Variants in TDRD3 observed in about 807,000 individuals in gnomAD.
TDRD3 encodes tudor domain-containing protein 3.
A neutral mutation model predicts 86.7 loss-of-function variants in TDRD3; 45 were observed. That is an observed-to-expected ratio of 0.52 (90% CI 0.41 to 0.67). The LOEUF is 0.67. TDRD3 is among the 30% of genes least tolerant of loss of function. The pLI is 0.00. For missense variants in TDRD3, 814 were observed against 889.0 expected (o/e 0.92, Z 1.07); for synonymous variants, 298 against 301.7 (o/e 0.99, Z 0.13).
intron 10 of TDRD3, among the ~76,000 whole-genome samples, chr13:60,519,048 T>C (rs924817959): frequency 6.6e-6 from 1 of 152,176 alleles, no homozygotes; most frequent in East Asian, 1.9e-4. Context: ...ACTTAATTTC[T>C]TTGCATATGA....
In TDRD3 at chr13:60,509,582, A is replaced by G. The variant is rs549751156; in HGVS notation, c.859-181A>G. ...CAGAGAATACTCAAGGCACAACCCC[A>G]CATATCATACAGATTCTTCCTTGCC... On this transcript the variant is annotated intron_variant, in intron 8 of 13. Transcript: ENST00000377881. 2.3e-4 allele frequency: 166 copies of G among 715,952 alleles called. 1 individual carries two copies. In the South Asian group the frequency reaches 2.9e-3, roughly 12 times the overall value. The allele number at this position is 715,952 out of a possible 1,614,324, so 44.3% of individuals were successfully genotyped here. A position where few individuals can be genotyped will look rare whatever the true frequency, so the allele number is the denominator to read the frequency against.
chr13:60,427,107 ATC>A (rs1352659830), intron 1 of TDRD3, among the ~76,000 whole-genome samples: 1 of 152,224 alleles, frequency 6.6e-6, no homozygotes, highest in Admixed American at 6.5e-5. Context: ...TCATATATGT[ATC>A]TGTCATTGAC....
chr13:60,428,610 G>A (rs1420355630), intron 1 of TDRD3, among the ~76,000 whole-genome samples: 1 of 151,562 alleles, frequency 6.6e-6, no homozygotes, highest in Non-Finnish European at 1.5e-5. Flanking sequence ...AGAGGAAAGG[G>A]AGATGTGGAT....
In TDRD3 at chr13:60,417,683, C is replaced by T. The variant is rs75605933; in HGVS notation, c.41+20278C>T. Among the ~76,000 whole-genome samples, 1,129 of 152,232 alleles carry T rather than the reference C, an allele frequency of 7.4e-3. 17 individuals carry two copies. Among genetic ancestry groups the T allele is most frequent in the African/African-American group, 0.026 (1,068 of 41,542 alleles). The stretch of plus-strand genomic sequence containing the variant: ...ATATACTGATGATTCCTAAATCTTT[C>T]TGGGCCTGAACTTCAAAATACAGCC... On this transcript the variant is annotated intron_variant, in intron 1 of 13. Coordinates refer to ENST00000377881, the MANE Select transcript of TDRD3 (RefSeq NM_001146070.2).
intron 12 of TDRD3, among the ~76,000 whole-genome samples, chr13:60,567,262 TA>T (rs1268347623): frequency 3.3e-5 from 5 of 152,240 alleles, no homozygotes; most frequent in African/African-American, 1.2e-4. Flanking sequence ...TTTTCTAGAA[TA>T]AAATTCAATT....
chr13:60,411,592 T>G (rs1324226038), intron 1 of TDRD3, among the ~76,000 whole-genome samples: 1 of 152,202 alleles, frequency 6.6e-6, no homozygotes, highest in Non-Finnish European at 1.5e-5. Flanking sequence ...CATAGGTTTT[T>G]TTTGGTTTTT....
chr13:60,503,376 C>T (rs1956874334), intron 8 of TDRD3, among the ~76,000 whole-genome samples: 1 of 152,196 alleles, frequency 6.6e-6, no homozygotes, highest in Non-Finnish European at 1.5e-5. Flanking sequence ...CAGTTAAAAA[C>T]ATGACTGATA....
intron 2 of TDRD3, among the ~76,000 whole-genome samples, chr13:60,441,381 G>A (rs747615550): frequency 6.6e-5 from 10 of 151,930 alleles, no homozygotes; most frequent in African/African-American, 2.4e-4. Flanking sequence ...TGCTGTGTTC[G>A]TAAGAGGTGC....
At chr13:60,561,946 T>C (rs570625528) in intron 12 of TDRD3, among the ~76,000 whole-genome samples, 22 of 152,144 alleles carry the variant, frequency 1.4e-4, no homozygotes, top group African/African-American at 5.3e-4. Context: ...CAAGGATAAT[T>C]GGTAAAGTTC....
At chr13:60,428,415 A>T (rs895414109) in intron 1 of TDRD3, among the ~76,000 whole-genome samples, 1 of 152,024 alleles carries the variant, frequency 6.6e-6, no homozygotes, top group African/African-American at 2.4e-5. Context: ...CTAAGTTAAT[A>T]TAGGGGCCAA....
intron 1 of TDRD3, among the ~76,000 whole-genome samples, chr13:60,430,337 A>C (rs1450432430): frequency 6.6e-6 from 1 of 152,160 alleles, no homozygotes; most frequent in Non-Finnish European, 1.5e-5. Flanking sequence ...CAATGCTATG[A>C]GTGCAGTAGT....
At chr13:60,395,855 T>C (rs1220601266), upstream of TDRD3, among the ~76,000 whole-genome samples, 3 of 151,988 alleles carry the variant, frequency 2.0e-5, no homozygotes, top group African/African-American at 4.8e-5. Flanking sequence ...AAACACTGCA[T>C]ACTACTGCAC....
chr13:60,406,321 A>G (rs1312898190), intron 1 of TDRD3, among the ~76,000 whole-genome samples: 1 of 152,226 alleles, frequency 6.6e-6, no homozygotes, highest in African/African-American at 2.4e-5. Context: ...GTCTAAATTC[A>G]GATGTGCTAT....
rs397705580 is a variant in TDRD3, at chr13:60,517,196, T to TA, written c.1141+6442dup. ...TGGCTTTGTTTTTGCTTTTTTTTTT[T>TA]ATTCAAGTTTCAGGTCACTTTGGAT... On this transcript the variant is annotated intron_variant, in intron 10 of 13. Coordinates refer to ENST00000377881, the MANE Select transcript of TDRD3 (RefSeq NM_001146070.2). 2.6e-5 allele frequency among the ~76,000 whole-genome samples: 4 copies of TA among 151,954 alleles called. No individual in the cohort carries two copies. In the East Asian group the frequency reaches 5.8e-4, roughly 22 times the overall value.
At chr13:60,540,929 G>A (rs1056780891) in intron 12 of TDRD3, among the ~76,000 whole-genome samples, 4 of 151,972 alleles carry the variant, frequency 2.6e-5, no homozygotes, top group Non-Finnish European at 4.4e-5. Flanking sequence ...AACACATGCC[G>A]TCACTCTTTT....
chr13:60,397,189 A>G, upstream of TDRD3: 1 of 414,032 alleles, frequency 2.4e-6, no homozygotes, highest in South Asian at 7.2e-5. Context: ...AAACGCGGCG[A>G]GCGGAACCCG....
intron 3 of TDRD3, among the ~76,000 whole-genome samples, chr13:60,450,180 C>A (rs958153339): frequency 6.6e-6 from 1 of 152,060 alleles, no homozygotes; most frequent in Admixed American, 6.6e-5. Flanking sequence ...TTTTTTGTTG[C>A]TAGAGCACCT....
chr13:60,526,180 C>T (rs1957426612), intron 10 of TDRD3, among the ~76,000 whole-genome samples: 1 of 152,052 alleles, frequency 6.6e-6, no homozygotes. Context: ...AAATTCTTCC[C>T]TAAACAGCAG....
chr13:60,513,655 G>A (rs187664802), intron 10 of TDRD3, among the ~76,000 whole-genome samples: 20 of 152,236 alleles, frequency 1.3e-4, no homozygotes, highest in Admixed American at 3.9e-4. Flanking sequence ...AGTCTTTCCC[G>A]AGATGTTCTT....
Sources: gnomAD v4.1 joint callset for allele counts (sites outside exome capture counted in the v4.1 genomes callset) on GRCh38, gnomAD v4.1.1 for gene constraint, MANE v1.5 for transcripts, NCBI Gene and HGNC (gene_info 2026-07-23, HGNC 2026-07-21) for gene names.